DCDC1: variants seen among roughly 807,000 people sequenced by gnomAD.
The protein encoded by DCDC1 is doublecortin domain-containing protein 1.
In DCDC1, 200 loss-of-function variants were observed where a neutral mutation model predicts 178.3. The ratio of observed to expected loss-of-function variants is 1.12; its 90% CI spans 1.00 to 1.26. The LOEUF is 1.26. DCDC1 is among the 50% of genes most tolerant of loss of function. The pLI, the probability that DCDC1 is intolerant of heterozygous loss-of-function variation, is 0.00. For synonymous variants in DCDC1, 690 were observed against 604.8 expected, an observed-to-expected ratio of 1.14 and a Z score of -2.07; for missense variants, 1,983 against 1,749.2, an observed-to-expected ratio of 1.13 and a Z score of -2.38.
intron 1 of DCDC1, among the ~76,000 whole-genome samples, chr11:31,346,285 C>G (rs1200885706): frequency 1.3e-5 from 2 of 151,804 alleles, no homozygotes; most frequent in Admixed American, 1.3e-4. Flanking sequence ...TATGGTGAAA[C>G]CCTGTCTCTA....
intron 22 of DCDC1, among the ~76,000 whole-genome samples, chr11:30,931,047 A>G (rs1946894315): frequency 6.6e-6 from 1 of 152,160 alleles, no homozygotes; most frequent in Non-Finnish European, 1.5e-5. Flanking sequence ...AATATTCTAA[A>G]CATCTCAAAA....
At chr11:31,241,174 G>C (rs145224122) in intron 9 of DCDC1, among the ~76,000 whole-genome samples, 1 of 152,074 alleles carries the variant, frequency 6.6e-6, no homozygotes, top group East Asian at 1.9e-4. Context: ...ATTGTCTATA[G>C]AATTTCCATG....
intron 7 of DCDC1, among the ~76,000 whole-genome samples, chr11:31,288,513 C>T (rs1252138284): frequency 6.6e-6 from 1 of 151,780 alleles, no homozygotes; most frequent in East Asian, 1.9e-4. Flanking sequence ...AGAGTCATTT[C>T]CCCTTGGCTC....
intron 20 of DCDC1, among the ~76,000 whole-genome samples, chr11:30,953,277 T>A (rs1415844835): frequency 6.7e-6 from 1 of 148,412 alleles, no homozygotes; most frequent in Admixed American, 6.8e-5. Flanking sequence ...ACATTATATA[T>A]AAGTATTATA....
At chr11:30,948,151 CAA>C (rs1211942917) in intron 21 of DCDC1, among the ~76,000 whole-genome samples, 1 of 152,084 alleles carries the variant, frequency 6.6e-6, no homozygotes, top group Non-Finnish European at 1.5e-5. Context: ...GCAACTTCTG[CAA>C]AGTCTCAGGA....
intron 36 of DCDC1, among the ~76,000 whole-genome samples, chr11:30,889,436 G>A (rs1943581875): frequency 6.6e-6 from 1 of 152,326 alleles, no homozygotes; most frequent in East Asian, 1.9e-4. Context: ...GAAGCACTTT[G>A]AAATGTGATC....
At chr11:31,137,107 T>C (rs1339070457) in intron 10 of DCDC1, among the ~76,000 whole-genome samples, 3 of 152,156 alleles carry the variant, frequency 2.0e-5, no homozygotes, top group Admixed American at 6.6e-5. Context: ...CAGTTTCAAA[T>C]TGCATGTAAC....
At chr11:30,922,693 G>A in intron 23 of DCDC1, 55 bp from the exon 24 acceptor site, 1 of 1,416,892 alleles carries the variant, frequency 7.1e-7, no homozygotes, top group South Asian at 1.6e-5. Context: ...AGCATTATCT[G>A]TAATAATCTA....
At chr11:31,100,133 A>G (rs1958412511) in intron 15 of DCDC1, among the ~76,000 whole-genome samples, 1 of 152,212 alleles carries the variant, frequency 6.6e-6, no homozygotes. Context: ...TTCTAGTCAA[A>G]GAGGTCCACA....
chr11:31,253,592 T>A (rs887408971), intron 8 of DCDC1, among the ~76,000 whole-genome samples: 1 of 152,148 alleles, frequency 6.6e-6, no homozygotes, highest in African/African-American at 2.4e-5. Flanking sequence ...AAGGTATTAG[T>A]AAACCAAATA....
intron 21 of DCDC1, among the ~76,000 whole-genome samples, chr11:30,936,621 G>T (rs1947294837): frequency 6.6e-6 from 1 of 152,156 alleles, no homozygotes; most frequent in Admixed American, 6.5e-5. Context: ...GAGTGGGGAA[G>T]ACTCCTGGGT....
At chr11:31,362,546 C>T (rs928642692) in intron 1 of DCDC1, among the ~76,000 whole-genome samples, 1 of 152,068 alleles carries the variant, frequency 6.6e-6, no homozygotes, top group African/African-American at 2.4e-5. Flanking sequence ...TGTCAGATTT[C>T]TAATTGCTTT....
chr11:31,315,334 T>C (rs1419995993), intron 3 of DCDC1, among the ~76,000 whole-genome samples: 2 of 106,460 alleles, frequency 1.9e-5, no homozygotes, highest in African/African-American at 4.7e-5. Context: ...TTTTTTTTTT[T>C]TGAGACAGAG....
intron 1 of DCDC1, among the ~76,000 whole-genome samples, chr11:31,343,460 C>G (rs937998716): frequency 4.6e-5 from 7 of 152,068 alleles, no homozygotes; most frequent in Admixed American, 4.6e-4. Flanking sequence ...GTGTGCGCCA[C>G]CATGCCTGGC....
intron 9 of DCDC1, among the ~76,000 whole-genome samples, chr11:31,212,450 A>T (rs1178687460): frequency 6.6e-6 from 1 of 152,196 alleles, no homozygotes; most frequent in Non-Finnish European, 1.5e-5. Context: ...CAGGTAATTT[A>T]AACACACACC....
chr11:31,016,810 C>A (rs1166955118), intron 20 of DCDC1, among the ~76,000 whole-genome samples: 1 of 152,106 alleles, frequency 6.6e-6, no homozygotes, highest in Non-Finnish European at 1.5e-5. Context: ...TCGACCTAGG[C>A]TTTGTGATTA....
intron 27 of DCDC1, among the ~76,000 whole-genome samples, chr11:30,912,128 T>C (rs1945487937): frequency 6.6e-6 from 1 of 152,122 alleles, no homozygotes; most frequent in Non-Finnish European, 1.5e-5. Context: ...TGATGCCCTG[T>C]GCCATATGAT....
chr11:30,906,381 G>T, intron 30 of DCDC1, 159 bp downstream of exon 30: 1 of 726,748 alleles, frequency 1.4e-6, no homozygotes, highest in Non-Finnish European at 2.2e-6. Flanking sequence ...AATTACAATG[G>T]GGAAAAGGAA....
intron 22 of DCDC1, among the ~76,000 whole-genome samples, chr11:30,931,360 T>C (rs1346759668): frequency 2.0e-5 from 3 of 152,114 alleles, no homozygotes; most frequent in African/African-American, 7.2e-5. Flanking sequence ...ATTTGTTCAT[T>C]AAATATTCTA....
Sources: gnomAD v4.1 joint callset for allele counts (sites outside exome capture counted in the v4.1 genomes callset) on GRCh38, gnomAD v4.1.1 for gene constraint, MANE v1.5 for transcripts, NCBI Gene and HGNC (gene_info 2026-07-23, HGNC 2026-07-21) for gene names.